Variants in NTRK3 observed in about 807,000 individuals in gnomAD.
NTRK3 encodes neurotrophic receptor tyrosine kinase 3.
In NTRK3, 24 loss-of-function variants were observed where a neutral mutation model predicts 91.7. The observed-to-expected ratio is 0.26, with a 90% confidence interval of 0.19 to 0.37. The LOEUF (loss-of-function observed/expected upper bound fraction) is 0.37, where lower values mean the gene tolerates loss of function less well. Ranked by LOEUF, NTRK3 falls within the 10% of genes least tolerant of loss-of-function variation. The pLI is 1.00. For synonymous variants in NTRK3, 483 were observed against 404.0 expected (o/e 1.20, Z -2.34); for missense variants, 880 against 1,068.9 (o/e 0.82, Z 2.46).
At chr15:87,908,449 T>G (rs2066899298) in intron 17 of NTRK3, 1 of 399,700 alleles carries the variant, frequency 2.5e-6, no homozygotes, top group African/African-American at 2.1e-5. Flanking sequence ...TGGACTGCCC[T>G]GCCCAGCCCC....
chr15:88,207,915 T>C (rs2141375635), intron 3 of NTRK3, among the ~76,000 whole-genome samples: 1 of 152,274 alleles, frequency 6.6e-6, no homozygotes, highest in South Asian at 2.1e-4. Context: ...CATATTCCAT[T>C]TTAACTTGAA....
intron 14 of NTRK3, among the ~76,000 whole-genome samples, chr15:88,008,318 T>C (rs1037033607): frequency 1.3e-5 from 2 of 152,058 alleles, no homozygotes; most frequent in African/African-American, 2.4e-5. Context: ...ACTCACTAGG[T>C]CTCTTGGGGC....
chr15:87,995,534 C>G (rs1007100024), intron 14 of NTRK3, among the ~76,000 whole-genome samples: 1 of 152,114 alleles, frequency 6.6e-6, no homozygotes, highest in African/African-American at 2.4e-5. Context: ...CAAGGAGTTC[C>G]TATTAATAAA....
At chr15:88,087,955 G>T (rs369185390) in intron 13 of NTRK3, among the ~76,000 whole-genome samples, 1 of 152,154 alleles carries the variant, frequency 6.6e-6, no homozygotes, top group South Asian at 2.1e-4. Flanking sequence ...GGAGGCTGAC[G>T]TGGAAGAATT....
At chr15:88,044,277 T>TG (rs1476671392) in intron 13 of NTRK3, among the ~76,000 whole-genome samples, 14 of 147,508 alleles carry the variant, frequency 9.5e-5, no homozygotes, top group Admixed American at 4.1e-4. Flanking sequence ...TTTTTTTTTT[T>TG]TGAGATGGAG....
At chr15:88,033,308 C>A (rs938049759) in intron 13 of NTRK3, among the ~76,000 whole-genome samples, 2 of 144,942 alleles carry the variant, frequency 1.4e-5, no homozygotes, top group African/African-American at 5.1e-5. Context: ...CTATAGGTTG[C>A]CTTTTTTTTT....
At chr15:88,076,984 C>T (rs186482763) in intron 13 of NTRK3, among the ~76,000 whole-genome samples, 18 of 152,192 alleles carry the variant, frequency 1.2e-4, no homozygotes, top group African/African-American at 4.1e-4. Flanking sequence ...AGTCCCAGTA[C>T]TCGGGAGGCT....
exon 19 of NTRK3, chr15:87,876,811 G>A (rs2064966408): frequency 1.8e-6 from 2 of 1,137,956 alleles, no homozygotes; most frequent in Admixed American, 1.8e-5. Flanking sequence ...TGTGTAGCAG[G>A]CACTTGAGTT....
chr15:87,916,767 CTT>C (rs540250461), intron 17 of NTRK3, among the ~76,000 whole-genome samples: 5 of 142,908 alleles, frequency 3.5e-5, no homozygotes, highest in Admixed American at 7.0e-5. Flanking sequence ...AAGCACAAGG[CTT>C]TTTTTTTTTT....
chr15:88,098,911 T>C (rs1444509700), intron 13 of NTRK3: 1 of 232,580 alleles, frequency 4.3e-6, no homozygotes, highest in Non-Finnish European at 8.5e-6. Context: ...GCAAAAAATC[T>C]GTAGGTTTAA....
intron 10 of NTRK3, among the ~76,000 whole-genome samples, chr15:88,130,517 T>A (rs1445482254): frequency 6.6e-6 from 1 of 152,086 alleles, no homozygotes; most frequent in African/African-American, 2.4e-5. Flanking sequence ...GACACCACCT[T>A]GACCAAGTAA....
At chr15:88,251,270 C>A (rs2053325971) in intron 3 of NTRK3, among the ~76,000 whole-genome samples, 1 of 152,210 alleles carries the variant, frequency 6.6e-6, no homozygotes, top group Non-Finnish European at 1.5e-5. Flanking sequence ...ACTGCCATCC[C>A]CAGGAGATGC....
In NTRK3 at chr15:88,241,640, G is replaced by A. The variant is rs1379447836; in HGVS notation, c.248+14266C>T. ...GGGCAGAATGCCAGCTGGGTGCTGG[G>A]AGCAGGAAGCGGGGCTACCCTTCAA... On this transcript the variant is annotated intron_variant, in intron 3 of 18. Coordinates refer to ENST00000394480, the Ensembl canonical transcript of NTRK3. This position sits in a 1 kb window ranked among gnomAD's most constrained non-coding sequence, Gnocchi z 4.3. 6.6e-6 allele frequency among the ~76,000 whole-genome samples: 1 copy of A among 152,128 alleles called. No homozygotes were observed. The highest frequency in any genetic ancestry group is 2.4e-5 in the African/African-American group (1 of 41,428).
chr15:87,973,132 G>A (rs1029422075), intron 14 of NTRK3, among the ~76,000 whole-genome samples: 6 of 152,150 alleles, frequency 3.9e-5, no homozygotes, highest in African/African-American at 1.4e-4. Context: ...GAGGAGAGAA[G>A]ATCTAGCTCT....
chr15:87,991,122 C>A (rs992251131), intron 14 of NTRK3, among the ~76,000 whole-genome samples: 2 of 152,186 alleles, frequency 1.3e-5, no homozygotes, highest in Non-Finnish European at 2.9e-5. Context: ...CCCCCCATGA[C>A]ACCTAGAGTA....
chr15:87,997,769 A>G (rs376442065), intron 14 of NTRK3, among the ~76,000 whole-genome samples: 51 of 152,318 alleles, frequency 3.3e-4, no homozygotes, highest in African/African-American at 1.2e-3. Flanking sequence ...GATGTGCCAT[A>G]GGCACTTAGA....
At chr15:88,246,411 T>C (rs2052829937) in intron 3 of NTRK3, among the ~76,000 whole-genome samples, 1 of 152,126 alleles carries the variant, frequency 6.6e-6, no homozygotes, top group African/African-American at 2.4e-5. Flanking sequence ...TGAGCACTAC[T>C]TGTCGTCCGG....
chr15:87,979,901 C>T (rs552114821), intron 14 of NTRK3, among the ~76,000 whole-genome samples: 1 of 152,232 alleles, frequency 6.6e-6, no homozygotes, highest in East Asian at 1.9e-4. Flanking sequence ...CCAGAACTGA[C>T]ACTCTTTAAG....
intron 5 of NTRK3, among the ~76,000 whole-genome samples, chr15:88,177,410 C>A (rs1166513760): frequency 6.6e-6 from 1 of 151,972 alleles, no homozygotes; most frequent in Non-Finnish European, 1.5e-5. Context: ...TGGACCAAGA[C>A]AATAGATATG....
Sources: gnomAD v4.1 joint callset for allele counts (sites outside exome capture counted in the v4.1 genomes callset) on GRCh38, gnomAD v4.1.1 for gene constraint, Gnocchi (gnomAD v3.1) non-coding constraint, MANE v1.5 for transcripts, NCBI Gene and HGNC (gene_info 2026-07-23, HGNC 2026-07-21) for gene names.